Variants in ZNF677 observed in about 807,000 individuals in gnomAD.
The protein encoded by ZNF677 is zinc finger protein 677.
Under a neutral mutation model 8.1 loss-of-function variants are expected in ZNF677, and 5 were observed. The ratio of observed to expected loss-of-function variants is 0.62; its 90% CI spans 0.32 to 1.29. The LOEUF (loss-of-function observed/expected upper bound fraction) is 1.29, where lower values mean the gene tolerates loss of function less well. ZNF677 is among the 50% of genes most tolerant of loss of function. The pLI is 0.05. For synonymous variants in ZNF677, 221 were observed against 225.6 expected, an observed-to-expected ratio of 0.98 and a Z score of 0.18; for missense variants, 685 against 685.9, an observed-to-expected ratio of 1.00 and a Z score of 0.01.
rs1292360042 is a variant in ZNF677 at position 53,237,627 on chromosome 19, C to T, written c.1100G>A (p.Arg367Lys). ...IQRSHLWGHE[R>K]IHTGEKPYKC... ...GTAAGGTTTCTCTCCAGTATGAATT[C>T]TTTCATGACCCCAAAGGTGTGAACG... is the stretch of plus-strand genomic sequence containing the variant. Residue 367 changes from arginine (R) to lysine (K), a missense_variant, in exon 5 of 5, where the codon AGA (arginine) becomes AAA (lysine). Arg to Lys is a conservative substitution (Grantham distance 26). Transcript: ENST00000598513. The T allele has an allele frequency of 6.2e-7, 1 of 1,613,642 alleles. No individual in the cohort carries two copies. Among genetic ancestry groups the T allele is most frequent in the Admixed American group, 1.7e-5 (1 of 59,974 alleles).
chr19:53,243,584 G>T, intron 4 of ZNF677, 160 bp downstream of exon 4: 1 of 867,962 alleles, frequency 1.2e-6, no homozygotes, highest in East Asian at 2.7e-5. Flanking sequence ...CTGAAGAAAG[G>T]GGAAGTTTAA....
At chr19:53,252,954 T>C (rs2091257824) in intron 2 of ZNF677, 132 bp downstream of exon 2, 1 of 152,330 alleles carries the variant, frequency 6.6e-6, no homozygotes. Flanking sequence ...AGAAGTCTAC[T>C]GAAAACATAA....
At position 53,237,373 on chromosome 19, in the gene ZNF677, TTC is replaced by T. The variant is rs1443188214; in HGVS notation, c.1352_1353del (p.Arg451AsnfsTer11). 9 of 1,614,042 alleles carry T rather than the reference TTC, an allele frequency of 5.6e-6. No individual in the cohort carries two copies. In the Admixed American group the frequency reaches 1.5e-4, roughly 27 times the overall value. Reference protein sequence around the residue: ...IQSSSLVEHQRIHTGEKPYKC... With the variant: ...IQSSSLVEHQXIHTGEKPYKC... ...TTGTAAGGTTTTTCTCCAGTGTGAA[TTC>T]TCTGATGTTCCACAAGACTTGAACT... On this transcript the variant is annotated frameshift_variant, in exon 5 of 5. Transcript: ENST00000598513. LOFTEE classifies it low-confidence loss of function (END_TRUNC).
Position 53,237,975 on chromosome 19 carries a change from G to C in ZNF677, c.752C>G (p.Thr251Arg), listed in dbSNP as rs780366252. The C allele has an allele frequency of 3.1e-6, 5 of 1,612,478 alleles. No individual in the cohort carries two copies. The South Asian group carries it at 5.5e-5, about 18-fold the overall frequency. Residue 251 changes from threonine to arginine, a missense_variant, in exon 5 of 5, where the codon ACA (threonine) becomes AGA (arginine). Transcript: ENST00000598513. ...TCTAATGTGTGTTCTCCCATACTGT[G>C]TATGTAATAAAGGGTATTTCAAAAT... ...RKILKYPLLHTQYGRTHIREK... is the reference protein window; with the variant it reads ...RKILKYPLLHRQYGRTHIREK...
chr19:53,244,053 T>C (rs2091098527), intron 3 of ZNF677, 156 bp from the exon 4 acceptor site: 22 of 624,810 alleles, frequency 3.5e-5, no homozygotes, highest in Non-Finnish European at 5.1e-5. Flanking sequence ...TGAGATGAAA[T>C]TACATAACAT....
At chr19:53,239,344 C>T (rs931340551) in intron 4 of ZNF677, 3 of 151,992 alleles carry the variant, frequency 2.0e-5, no homozygotes, top group Non-Finnish European at 4.4e-5. Flanking sequence ...AAGGGACACA[C>T]AATAGGAAAA....
At chr19:53,243,199 G>A (rs2091082714) in intron 4 of ZNF677, 1 of 156,392 alleles carries the variant, frequency 6.4e-6, no homozygotes, top group African/African-American at 2.4e-5. Flanking sequence ...CATAGTCTAG[G>A]ACTCTTTCCT....
intron 3 of ZNF677, among the ~76,000 whole-genome samples, chr19:53,249,760 G>A (rs1262407422): frequency 1.5e-5 from 2 of 130,186 alleles, no homozygotes; most frequent in African/African-American, 7.3e-5. Flanking sequence ...AAGAAATGTA[G>A]TATTTAACAA....
chr19:53,254,390 G>A (rs1054051397), intron 1 of ZNF677, among the ~76,000 whole-genome samples: 7 of 151,696 alleles, frequency 4.6e-5, no homozygotes, highest in Non-Finnish European at 8.8e-5. Flanking sequence ...CTTTTTTTCA[G>A]TCCCTGCTAT....
chr19:53,249,249 A>G (rs1010300913), intron 3 of ZNF677: 1 of 152,190 alleles, frequency 6.6e-6, no homozygotes, highest in African/African-American at 2.4e-5. Context: ...GATTTAAAGT[A>G]TTTTTTAGTA....
chr19:53,240,669 G>C (rs1599916521), intron 4 of ZNF677: 1 of 152,438 alleles, frequency 6.6e-6, no homozygotes, highest in East Asian at 1.9e-4. Flanking sequence ...AGAGATCAGT[G>C]GTTGCCAGGT....
chr19:53,238,803 A>G (rs138735720), intron 4 of ZNF677: 37 of 303,774 alleles, frequency 1.2e-4, no homozygotes, highest in Non-Finnish European at 2.0e-4. Context: ...AAACACTCAT[A>G]CTATGTAAAT....
intron 3 of ZNF677, among the ~76,000 whole-genome samples, chr19:53,247,112 T>C (rs903921971): frequency 1.3e-5 from 2 of 152,222 alleles, no homozygotes; most frequent in African/African-American, 2.4e-5. Context: ...CACTCGATTG[T>C]GGTGTGAGAA....
At position 53,236,774 on chromosome 19, in the gene ZNF677, T is replaced by G. The variant is rs1202772290; in HGVS notation, c.*198A>C. 6.0e-5 allele frequency: 28 copies of G among 466,782 alleles called. No individual in the cohort carries two copies. The highest frequency in any genetic ancestry group is 9.7e-5 in the Non-Finnish European group (26 of 269,102). The allele number at this position is 466,782 out of a possible 1,614,324, so 28.9% of individuals were successfully genotyped here. A position where few individuals can be genotyped will look rare whatever the true frequency, so the allele number is the denominator to read the frequency against. ...TAAAGCTGTTCACATTCATTATATTTGTAAGGCTTCTCTACAGTAAGAATT... is the reference window on the plus strand; with the variant it reads ...TAAAGCTGTTCACATTCATTATATTGGTAAGGCTTCTCTACAGTAAGAATT... On this transcript the variant is annotated 3_prime_UTR_variant, in exon 5 of 5. Transcript: ENST00000598513.
intron 3 of ZNF677, among the ~76,000 whole-genome samples, chr19:53,248,597 T>C (rs1442014840): frequency 2.6e-5 from 4 of 152,328 alleles, no homozygotes; most frequent in African/African-American, 9.6e-5. Flanking sequence ...TCCTGCTGGA[T>C]AGTTCTTTCG....
rs1170779963 is a variant in ZNF677, at chr19:53,235,980, G to A, written c.*992C>T. The A allele has an allele frequency of 1.3e-5, 2 of 152,340 alleles. No individual in the cohort carries two copies. The highest frequency in any genetic ancestry group is 3.8e-4 in the East Asian group (2 of 5,198). The allele number at this position is 152,340 out of a possible 1,614,324, so 9.4% of individuals were successfully genotyped here. A position where few individuals can be genotyped will look rare whatever the true frequency, so the allele number is the denominator to read the frequency against. ...AAGGCAGGTGGATCACCTGAGGTCA[G>A]GAGTTCAAGATCAGCCTGGCCAACA... is the stretch of plus-strand genomic sequence containing the variant. On this transcript the variant is annotated 3_prime_UTR_variant, in exon 5 of 5. Coordinates refer to ENST00000598513, the MANE Select transcript of ZNF677 (RefSeq NM_182609.4).
intron 3 of ZNF677, among the ~76,000 whole-genome samples, chr19:53,246,541 C>T (rs1247015135): frequency 2.0e-5 from 3 of 149,386 alleles, no homozygotes; most frequent in Admixed American, 6.7e-5. Context: ...CTCACACACA[C>T]GAATATTATT....
Position 53,237,319 on chromosome 19 carries a change from T to C in ZNF677, c.1408A>G (p.Lys470Glu), listed in dbSNP as rs1335716882. ...TGATGACCCCAAAGGTGTGAACGTT[T>C]GATAAAAGCTTTATCACATTTATTA... ...KCNKCDKAFI[K>E]RSHLWGHQRT... Residue 470 changes from lysine to glutamate, a missense_variant, in exon 5 of 5, where the codon AAA becomes GAA. Physicochemically the swap from Lys to Glu is moderately conservative, Grantham distance 56. Coordinates refer to ENST00000598513, the MANE Select transcript of ZNF677 (RefSeq NM_182609.4). 4 of 1,611,786 alleles carry C rather than the reference T, an allele frequency of 2.5e-6. No individual in the cohort carries two copies. The highest frequency in any genetic ancestry group is 3.4e-6 in the Non-Finnish European group (4 of 1,179,284).
At chr19:53,253,387 T>A (rs1568697599) in intron 1 of ZNF677, among the ~76,000 whole-genome samples, 1 of 152,128 alleles carries the variant, frequency 6.6e-6, no homozygotes, top group African/African-American at 2.4e-5. Context: ...TTCCAATATA[T>A]GATAAAAAGT....
Sources: gnomAD v4.1 joint callset for allele counts (sites outside exome capture counted in the v4.1 genomes callset) on GRCh38, gnomAD v4.1.1 for gene constraint, MANE v1.5 for transcripts, NCBI Gene and HGNC (gene_info 2026-07-23, HGNC 2026-07-21) for gene names.